Variants in CFAP251 observed in about 807,000 individuals in gnomAD.
The protein encoded by CFAP251 is cilia- and flagella-associated protein 251.
In CFAP251, 93 loss-of-function variants were observed where a neutral mutation model predicts 126.7. The observed-to-expected ratio is 0.73, with a 90% CI of 0.62 to 0.87. The LOEUF (loss-of-function observed/expected upper bound fraction) is 0.87. Ranked by LOEUF, CFAP251 falls within the 40% of genes least tolerant of loss-of-function variation. The pLI is 0.00. For synonymous variants in CFAP251, 503 were observed against 506.9 expected (o/e 0.99, Z 0.10); for missense variants, 1,287 against 1,389.2 (o/e 0.93, Z 1.17).
intron 19 of CFAP251, among the ~76,000 whole-genome samples, chr12:121,978,487 A>G (rs2135802199): frequency 6.6e-6 from 1 of 151,564 alleles, no homozygotes; most frequent in African/African-American, 2.4e-5. Context: ...TTTAGAAAAT[A>G]GAATTATAAA....
rs940576440 is a variant in CFAP251 at position 121,992,381 on chromosome 12, AAG to A, written c.3007-7328_3007-7327del. The stretch of plus-strand genomic sequence containing the variant: ...AGTGATTCTTGATCAGTCATACGGG[AAG>A]AGAGAGTAAGAGGTGAATCACATGC... On this transcript the variant is annotated intron_variant, in intron 19 of 21. Transcript: ENST00000288912. The A allele has an allele frequency of 3.8e-5, 37 of 985,330 alleles. No individual in the cohort carries two copies. The African/African-American group carries it at 4.5e-4, about 12-fold the overall frequency. The allele number at this position is 985,330 out of a possible 1,614,324, so 61.0% of individuals were successfully genotyped here. A position where few individuals can be genotyped will look rare whatever the true frequency, so the allele number is the denominator to read the frequency against.
At chr12:121,945,063 G>T (rs575313740) in intron 7 of CFAP251, among the ~76,000 whole-genome samples, 1 of 151,834 alleles carries the variant, frequency 6.6e-6, no homozygotes, top group Non-Finnish European at 1.5e-5. Context: ...GATTACAGGC[G>T]TGAGCCACCA....
intron 7 of CFAP251, 185 bp from the exon 8 acceptor site, chr12:121,948,799 A>G (rs537801986): frequency 4.4e-6 from 2 of 449,628 alleles, no homozygotes; most frequent in Non-Finnish European, 7.8e-6. Context: ...AACACATTTG[A>G]CACTGTTTAT....
At position 121,934,262 on chromosome 12, in the gene CFAP251, A is replaced by G. The variant is rs1009391223; in HGVS notation, c.904A>G (p.Ile302Val). 9.9e-6 allele frequency: 16 copies of G among 1,613,748 alleles called. No individual in the cohort carries two copies. In the African/African-American group the frequency reaches 1.1e-4, roughly 11 times the overall value. ...QYHLQGHANI[I>V]SCLCVSEDRR... is the part of the protein sequence containing the mutation. ...ATTTCCATAGGGCCACGCCAATATT[A>G]TCTCCTGCCTCTGCGTCAGTGAAGA... is the stretch of plus-strand genomic sequence containing the variant. The change falls in exon 5 of 22, where the codon ATC becomes GTC. Residue 302 changes from isoleucine to valine, a missense_variant. Ile to Val is a conservative substitution (Grantham distance 29). Transcript: ENST00000288912.
At chr12:121,954,465 A>C in intron 10 of CFAP251, 131 bp downstream of exon 10, 1 of 795,968 alleles carries the variant, frequency 1.3e-6, no homozygotes. Flanking sequence ...GGAGGATCAC[A>C]TGAGGCCAGA....
Position 121,931,798 on chromosome 12 carries a change from G to T in CFAP251, c.800G>T (p.Arg267Leu). Residue 267 changes from arginine (R) to leucine (L), a missense_variant, in exon 4 of 22, where the codon CGA (arginine) becomes CTA (leucine). By Grantham distance (102) the Arg-to-Leu change is moderately radical (BLOSUM62 -2). Coordinates refer to ENST00000288912, the MANE Select transcript of CFAP251 (RefSeq NM_144668.6). ...AGTTCTCTTCCTGTTTACTATATTC[G>T]AGAGGAAAGGCAGAGAGTTCTTCTG... is the stretch of plus-strand genomic sequence containing the variant. ...WNSSLPVYYI[R>L]EERQRVLLYV... 1 of 1,604,160 alleles carries T rather than the reference G, an allele frequency of 6.2e-7. No homozygotes were observed.
chr12:121,962,972 A>G (rs1881995529), intron 15 of CFAP251, among the ~76,000 whole-genome samples: 1 of 152,156 alleles, frequency 6.6e-6, no homozygotes, highest in African/African-American at 2.4e-5. Flanking sequence ...GGTCAGAGGT[A>G]CGGGCTGGTG....
chr12:121,969,803 T>G, intron 17 of CFAP251: 1 of 985,460 alleles, frequency 1.0e-6, no homozygotes, highest in East Asian at 1.1e-4. Flanking sequence ...AATGTTTGTC[T>G]TCTTCTCAGT....
intron 15 of CFAP251, among the ~76,000 whole-genome samples, chr12:121,964,347 A>G (rs1882049745): frequency 6.6e-6 from 1 of 152,218 alleles, no homozygotes; most frequent in Non-Finnish European, 1.5e-5. Flanking sequence ...GTTTTTAATG[A>G]AAACATACTT....
intron 19 of CFAP251, among the ~76,000 whole-genome samples, chr12:121,988,298 A>T (rs1437172397): frequency 6.6e-6 from 1 of 152,140 alleles, no homozygotes; most frequent in Non-Finnish European, 1.5e-5. Flanking sequence ...GGTTTTTAGA[A>T]TGTCCACCGA....
At chr12:121,978,393 C>CAAAAAA (rs10642280) in intron 19 of CFAP251, among the ~76,000 whole-genome samples, 529 of 42,084 alleles carry the variant, frequency 0.013, 99 homozygotes, top group African/African-American at 0.066. Context: ...GACTCTGTCT[C>CAAAAAA]AAAAAAAAAA....
rs115398158 is a variant in CFAP251 at position 121,956,790 on chromosome 12, C to T, written c.1536-284C>T. Among the ~76,000 whole-genome samples, 189 of 152,268 alleles carry T rather than the reference C, an allele frequency of 1.2e-3. 1 individual carries two copies. Among genetic ancestry groups the T allele is most frequent in the African/African-American group, 4.3e-3 (179 of 41,550 alleles). On this transcript the variant is annotated intron_variant, in intron 10 of 21. Coordinates refer to ENST00000288912, the MANE Select transcript of CFAP251 (RefSeq NM_144668.6). ...GGACTACAGACATGAGCCACCACACCCAGCTACACTAAATTTTTTTAATGC... is the reference window on the plus strand; with the variant it reads ...GGACTACAGACATGAGCCACCACACTCAGCTACACTAAATTTTTTTAATGC...
chr12:121,929,055 G>GAAAAAAAAA, intron 3 of CFAP251, among the ~76,000 whole-genome samples: 1 of 152,160 alleles, frequency 6.6e-6, no homozygotes, highest in East Asian at 1.9e-4. Context: ...GGGAGCAGTG[G>GAAAAAAAAA]CTCATGCCTG....
intron 3 of CFAP251, among the ~76,000 whole-genome samples, chr12:121,928,658 GTA>G (rs1259216748): frequency 3.7e-5 from 1 of 26,714 alleles, no homozygotes; most frequent in Non-Finnish European, 2.0e-4. Flanking sequence ...ATATATATAC[GTA>G]TATATATACG....
At chr12:121,988,026 A>G (rs1882791425) in intron 19 of CFAP251, among the ~76,000 whole-genome samples, 1 of 152,056 alleles carries the variant, frequency 6.6e-6, no homozygotes, top group African/African-American at 2.4e-5. Flanking sequence ...CATAACAAGC[A>G]TGTTTCACTC....
chr12:121,921,352 G>A lies in CFAP251; in HGVS notation c.47G>A (p.Gly16Glu), dbSNP rs113497570. Residue 16 changes from glycine to glutamate, a missense_variant, in exon 2 of 22, where the codon GGA becomes GAA. Gly to Glu is a moderately conservative substitution (Grantham distance 98, BLOSUM62 -2). Coordinates refer to ENST00000288912, the MANE Select transcript of CFAP251 (RefSeq NM_144668.6). ...CCCCGAGAAGCAACAGGAGAAAATG[G>A]AGAAACAGAAATGAAAGAAGAGGAG... Reference protein sequence around the residue: ...EAPREATGENGETEMKEEEEP... With the variant: ...EAPREATGENEETEMKEEEEP... 6.2e-7 allele frequency: 1 copy of A among 1,607,564 alleles called. No individual in the cohort carries two copies.
At chr12:122,001,463 T>C (rs1182927) in intron 20 of CFAP251, 34 bp from the exon 21 acceptor site, 1,346,750 of 1,550,826 alleles carry the variant, frequency 0.87, 586,059 homozygotes, top group African/African-American at 0.95. Flanking sequence ...GCCTCAAGAG[T>C]TAAACAATCA....
chr12:121,990,102 C>A (rs1298455245), intron 19 of CFAP251, among the ~76,000 whole-genome samples: 1 of 152,166 alleles, frequency 6.6e-6, no homozygotes, highest in Non-Finnish European at 1.5e-5. Context: ...ACCAATCAAG[C>A]AACAAGCTGA....
At position 121,951,541 on chromosome 12, in the gene CFAP251, C is replaced by T. The variant is rs1438556532; in HGVS notation, c.1320+11C>T. On this transcript the variant is annotated intron_variant, in intron 9 of 21. Coordinates refer to ENST00000288912, the MANE Select transcript of CFAP251 (RefSeq NM_144668.6). ...CTTTTAACTGAAAAAGTGAGTATGC[C>T]TATTGCATTTTTGTCCATCAGATTT... 5.0e-5 allele frequency: 78 copies of T among 1,574,882 alleles called. No individual in the cohort carries two copies. The highest frequency in any genetic ancestry group is 6.5e-5 in the Non-Finnish European group (75 of 1,149,450).
Sources: allele counts gnomAD v4.1 joint callset (sites outside exome capture counted in the v4.1 genomes callset), GRCh38; gene constraint gnomAD v4.1.1; transcripts MANE v1.5; gene names NCBI Gene and HGNC (gene_info 2026-07-23, HGNC 2026-07-21).